KLHL29: variants seen among roughly 807,000 people sequenced by gnomAD.
The protein encoded by KLHL29 is kelch-like protein 29.
In KLHL29, 21 loss-of-function variants were observed where a neutral mutation model predicts 80.4. That is an observed-to-expected ratio of 0.26 (90% CI 0.19 to 0.38). The LOEUF is 0.38. Ranked by LOEUF, KLHL29 falls within the 10% of genes least tolerant of loss-of-function variation. The probability of loss-of-function intolerance (pLI) is 1.00; values close to 1 mark genes in which losing one functional copy is unlikely to be tolerated. For synonymous variants in KLHL29, 511 were observed against 526.8 expected (o/e 0.97, Z 0.41); for missense variants, 867 against 1,223.9 (o/e 0.71, Z 4.35).
intron 1 of KLHL29, among the ~76,000 whole-genome samples, chr2:23,431,957 GA>G (rs1663195450): frequency 7.0e-6 from 1 of 142,000 alleles, no homozygotes; most frequent in Non-Finnish European, 1.5e-5. Flanking sequence ...TTAAAAATCA[GA>G]AAATATGAAC....
At chr2:23,559,596 G>A (rs1398701919) in intron 2 of KLHL29, among the ~76,000 whole-genome samples, 1 of 152,130 alleles carries the variant, frequency 6.6e-6, no homozygotes, top group African/African-American at 2.4e-5. Context: ...AGGAGATAGA[G>A]GCGGCTTTCT....
At chr2:23,511,711 T>C (rs934803765) in intron 2 of KLHL29, among the ~76,000 whole-genome samples, 10 of 152,326 alleles carry the variant, frequency 6.6e-5, no homozygotes, top group African/African-American at 2.2e-4. Context: ...GGATGTGATA[T>C]CGGTGCCTGA....
chr2:23,581,402 G>T (rs957709620), intron 3 of KLHL29, among the ~76,000 whole-genome samples: 2 of 152,210 alleles, frequency 1.3e-5, no homozygotes, highest in African/African-American at 2.4e-5. Context: ...ATGAACCTCT[G>T]GGAAGGCAGC....
At chr2:23,449,855 T>C (rs1177080725) in intron 1 of KLHL29, among the ~76,000 whole-genome samples, 1 of 152,140 alleles carries the variant, frequency 6.6e-6, no homozygotes, top group Non-Finnish European at 1.5e-5. Flanking sequence ...TCTGGAACCC[T>C]GCATGTTAAA....
At chr2:23,472,779 T>G (rs1664533814) in intron 1 of KLHL29, among the ~76,000 whole-genome samples, 1 of 152,240 alleles carries the variant, frequency 6.6e-6, no homozygotes, top group South Asian at 2.1e-4. Context: ...CAGAGGTTCC[T>G]AGGAGTTAAA....
At position 23,492,915 on chromosome 2, in the gene KLHL29, C is replaced by A. The variant is rs548337910; in HGVS notation, c.-46+17248C>A. Among the ~76,000 whole-genome samples, 5 of 152,276 alleles carry A rather than the reference C, an allele frequency of 3.3e-5. No homozygotes were observed. The South Asian group carries it at 1.0e-3, about 32-fold the overall frequency. ...CAGCCCACAGGAAAGGCACGGGTGT[C>A]TGAGCCCAAAAGCCAGAACTCAAGT... On this transcript the variant is annotated intron_variant, in intron 2 of 13. Transcript: ENST00000486442.
intron 2 of KLHL29, among the ~76,000 whole-genome samples, chr2:23,495,239 G>A (rs1266998243): frequency 6.6e-6 from 1 of 152,108 alleles, no homozygotes; most frequent in Non-Finnish European, 1.5e-5. Flanking sequence ...CCTGCAGGAG[G>A]TGGTCCCTGT....
intron 3 of KLHL29, among the ~76,000 whole-genome samples, chr2:23,618,879 G>A (rs541613510): frequency 4.5e-4 from 68 of 152,276 alleles, no homozygotes; most frequent in Admixed American, 1.3e-3. Flanking sequence ...CAAAGTATTT[G>A]GAAGGAAGCC....
At chr2:23,481,440 G>T (rs1264868676) in intron 2 of KLHL29, among the ~76,000 whole-genome samples, 1 of 152,252 alleles carries the variant, frequency 6.6e-6, no homozygotes, top group Non-Finnish European at 1.5e-5. Context: ...AGAGTAGAAA[G>T]GTTCCTGCTT....
intron 2 of KLHL29, among the ~76,000 whole-genome samples, chr2:23,536,869 C>T (rs914364669): frequency 8.0e-5 from 12 of 149,668 alleles, no homozygotes; most frequent in South Asian, 2.1e-4. Flanking sequence ...TTCCTACTAA[C>T]GAAATAGCGA....
intron 2 of KLHL29, among the ~76,000 whole-genome samples, chr2:23,520,992 A>ACCCCCCCCC (rs33915683): frequency 1.4e-4 from 13 of 91,136 alleles, no homozygotes; most frequent in African/African-American, 4.6e-4. Context: ...TACAAAGACC[A>ACCCCCCCCC]CCCCCCCCCC....
At chr2:23,572,649 T>C (rs1022532359) in intron 3 of KLHL29, among the ~76,000 whole-genome samples, 1 of 152,098 alleles carries the variant, frequency 6.6e-6, no homozygotes, top group Non-Finnish European at 1.5e-5. Context: ...CATCTCAACT[T>C]ACCTACTACC....
chr2:23,595,281 T>G (rs898836165), intron 3 of KLHL29, among the ~76,000 whole-genome samples: 3 of 152,174 alleles, frequency 2.0e-5, no homozygotes, highest in African/African-American at 7.2e-5. Flanking sequence ...TTCCATGTAT[T>G]ATAATCCTAT....
At chr2:23,558,882 G>A (rs964754654) in intron 2 of KLHL29, among the ~76,000 whole-genome samples, 2 of 152,256 alleles carry the variant, frequency 1.3e-5, no homozygotes, top group African/African-American at 2.4e-5. Flanking sequence ...CACAGGTACT[G>A]AACACCCTTC....
chr2:23,548,848 G>C (rs939353363), intron 2 of KLHL29, among the ~76,000 whole-genome samples: 1 of 152,144 alleles, frequency 6.6e-6, no homozygotes, highest in Non-Finnish European at 1.5e-5. Context: ...TGAGTCTTCC[G>C]GGGGCTATGT....
chr2:23,607,849 CT>C (rs1002541000), intron 3 of KLHL29, among the ~76,000 whole-genome samples: 2 of 152,226 alleles, frequency 1.3e-5, no homozygotes, highest in African/African-American at 4.8e-5. Context: ...GAAAAATTGT[CT>C]TCCACAAAAG....
intron 1 of KLHL29, among the ~76,000 whole-genome samples, chr2:23,416,555 A>C (rs1375627473): frequency 6.6e-6 from 1 of 152,232 alleles, no homozygotes; most frequent in African/African-American, 2.4e-5. Context: ...GGAGGGACTC[A>C]GCCCTTTTTT....
chr2:23,440,663 G>C (rs1391122186), intron 1 of KLHL29, among the ~76,000 whole-genome samples: 1 of 151,926 alleles, frequency 6.6e-6, no homozygotes, highest in Non-Finnish European at 1.5e-5. Flanking sequence ...CAAAAAGTGG[G>C]CAAAGGATAT....
intron 11 of KLHL29, 40 bp from the exon 12 acceptor site, chr2:23,703,146 G>A: frequency 2.2e-6 from 3 of 1,373,042 alleles, no homozygotes; most frequent in Non-Finnish European, 2.9e-6. Context: ...CCCGCACAAG[G>A]TCCATCTTGA....
Sources: gnomAD v4.1 joint callset for allele counts (sites outside exome capture counted in the v4.1 genomes callset) on GRCh38, gnomAD v4.1.1 for gene constraint, MANE v1.5 for transcripts, NCBI Gene and HGNC (gene_info 2026-07-23, HGNC 2026-07-21) for gene names.